The following G3BP1 variants were observed in gnomAD, a reference collection of about 807,000 sequenced individuals.
The protein encoded by G3BP1 is G3BP stress granule assembly factor 1.
Under a neutral mutation model 58.6 loss-of-function variants are expected in G3BP1, and 35 were observed. The ratio of observed to expected loss-of-function variants is 0.60; its 90% CI spans 0.46 to 0.79. The LOEUF (loss-of-function observed/expected upper bound fraction) is 0.79, where lower values mean the gene tolerates loss of function less well. Among genes scored for constraint, G3BP1 ranks in the 30% least tolerant of loss-of-function variants. The pLI, the probability that G3BP1 is intolerant of heterozygous loss-of-function variation, is 0.00. For missense variants in G3BP1, 523 were observed against 580.8 expected (o/e 0.90, Z 1.02); for synonymous variants, 191 against 195.4 (o/e 0.98, Z 0.19).
chr5:151,790,662 T>A (rs1462378750), intron 3 of G3BP1, among the ~76,000 whole-genome samples: 2 of 152,216 alleles, frequency 1.3e-5, no homozygotes, highest in Admixed American at 1.3e-4. Flanking sequence ...GGATCATCTT[T>A]TCTAAACTTT....
chr5:151,795,272 C>T (rs1009410177), intron 5 of G3BP1, among the ~76,000 whole-genome samples: 1 of 152,028 alleles, frequency 6.6e-6, no homozygotes, highest in African/African-American at 2.4e-5. Context: ...AGCGAGACTC[C>T]GTCTCAAAAA....
At chr5:151,781,407 CTG>C (rs1232923038) in intron 1 of G3BP1, among the ~76,000 whole-genome samples, 1 of 152,206 alleles carries the variant, frequency 6.6e-6, no homozygotes, top group Non-Finnish European at 1.5e-5. Context: ...GCTTACAACA[CTG>C]TGTGATGCTA....
intron 1 of G3BP1, among the ~76,000 whole-genome samples, chr5:151,780,524 G>A (rs916679112): frequency 6.6e-6 from 1 of 151,994 alleles, no homozygotes; most frequent in Non-Finnish European, 1.5e-5. Flanking sequence ...CCCCTCCGCC[G>A]CTAGCTGATG....
chr5:151,783,650 C>T (rs1289860272), intron 1 of G3BP1, among the ~76,000 whole-genome samples: 2 of 151,972 alleles, frequency 1.3e-5, no homozygotes, highest in Non-Finnish European at 2.9e-5. Context: ...GTTGGCCTCC[C>T]AAAGTGCTGG....
intron 1 of G3BP1, among the ~76,000 whole-genome samples, chr5:151,781,314 T>C (rs977150723): frequency 3.9e-5 from 6 of 152,344 alleles, no homozygotes; most frequent in African/African-American, 1.4e-4. Flanking sequence ...CTGCATAAAA[T>C]GAACTTTAGT....
intron 1 of G3BP1, among the ~76,000 whole-genome samples, chr5:151,773,901 A>G (rs1762320339): frequency 6.6e-6 from 1 of 152,266 alleles, no homozygotes; most frequent in African/African-American, 2.4e-5. Context: ...GAGGCAAAAT[A>G]GAATGAAATT....
rs1157976401 is a variant in G3BP1, at chr5:151,811,399, T to C, written c.*7308T>C. 2 of 152,182 alleles carry C rather than the reference T, an allele frequency of 1.3e-5. No homozygotes were observed. The highest frequency in any genetic ancestry group is 2.1e-4 in the South Asian group (1 of 4,836). The allele number at this position is 152,182 out of a possible 1,614,324, so 9.4% of individuals were successfully genotyped here. A position where few individuals can be genotyped will look rare whatever the true frequency, so the allele number is the denominator to read the frequency against. The stretch of plus-strand genomic sequence containing the variant: ...ACATAAAGCCTTGTCTAAAGTGAGA[T>C]GTTTTCCAGGTCATACATAGGTTTC... On this transcript the variant is annotated 3_prime_UTR_variant, in exon 12 of 12. Coordinates refer to ENST00000356245, the MANE Select transcript of G3BP1 (RefSeq NM_005754.3).
intron 4 of G3BP1, among the ~76,000 whole-genome samples, chr5:151,792,768 T>C (rs890258205): frequency 3.9e-5 from 6 of 152,136 alleles, no homozygotes; most frequent in African/African-American, 1.4e-4. Context: ...CATTCCTGGC[T>C]GATTTTTGTT....
intron 2 of G3BP1, among the ~76,000 whole-genome samples, chr5:151,789,030 C>T (rs1762602067): frequency 6.6e-6 from 1 of 152,182 alleles, no homozygotes; most frequent in Admixed American, 6.5e-5. Context: ...CCACCTTGGC[C>T]TCCCAAAGTG....
intron 1 of G3BP1, among the ~76,000 whole-genome samples, chr5:151,780,133 T>C (rs976730041): frequency 6.6e-6 from 1 of 152,228 alleles, no homozygotes; most frequent in Admixed American, 6.5e-5. Flanking sequence ...TTTAATACTT[T>C]GGCGCATCTC....
In G3BP1 at chr5:151,807,874, A is replaced by G. The variant is rs534955557; in HGVS notation, c.*3783A>G. ...TTCTTTTAAATGGTTGCATTTGTCA[A>G]ATCTATAAAGATGTTTTTTATATTG... On this transcript the variant is annotated 3_prime_UTR_variant, in exon 12 of 12. Transcript: ENST00000356245. The G allele has an allele frequency of 8.5e-5, 13 of 152,222 alleles. No individual in the cohort carries two copies. Among genetic ancestry groups the G allele is most frequent in the African/African-American group, 1.7e-4 (7 of 41,458 alleles). The allele number at this position is 152,222 out of a possible 1,614,324, so 9.4% of individuals were successfully genotyped here. A position where few individuals can be genotyped will look rare whatever the true frequency, so the allele number is the denominator to read the frequency against.
chr5:151,792,121 G>T (rs1337369939), intron 4 of G3BP1: 1 of 456,148 alleles, frequency 2.2e-6, no homozygotes, highest in Non-Finnish European at 4.4e-6. Context: ...GTTCTTTTTA[G>T]TTATACTTAT....
chr5:151,779,925 G>A (rs1762437624), intron 1 of G3BP1, among the ~76,000 whole-genome samples: 1 of 152,168 alleles, frequency 6.6e-6, no homozygotes, highest in African/African-American at 2.4e-5. Flanking sequence ...TCTTGTGTGA[G>A]TTTGTTTTGT....
At position 151,807,213 on chromosome 5, in the gene G3BP1, G is replaced by C. The variant is rs1032715470; in HGVS notation, c.*3122G>C. Reference sequence around the variant, plus strand: ...TAGAAAAGTTAATTTTCACATCTGTGCTGCGGGTTAGGTGATATTGTCCTC... The same window carrying C: ...TAGAAAAGTTAATTTTCACATCTGTCCTGCGGGTTAGGTGATATTGTCCTC... On this transcript the variant is annotated 3_prime_UTR_variant, in exon 12 of 12. Transcript: ENST00000356245. The C allele has an allele frequency of 5.3e-5, 8 of 152,158 alleles. No homozygotes were observed. Among genetic ancestry groups the C allele is most frequent in the African/African-American group, 1.9e-4 (8 of 41,426 alleles). The allele number at this position is 152,158 out of a possible 1,614,324, so 9.4% of individuals were successfully genotyped here.
chr5:151,772,849 A>G (rs565755537), intron 1 of G3BP1, among the ~76,000 whole-genome samples: 1 of 152,336 alleles, frequency 6.6e-6, no homozygotes, highest in East Asian at 1.9e-4. Context: ...GGGCAGCATC[A>G]GCCTCAAAAG....
intron 1 of G3BP1, among the ~76,000 whole-genome samples, chr5:151,775,401 T>C (rs373726278): frequency 6.6e-6 from 1 of 152,380 alleles, no homozygotes; most frequent in Non-Finnish European, 1.5e-5. Flanking sequence ...ATTACCATAC[T>C]TTTACTAAAA....
chr5:151,787,897 G>A (rs890890299), intron 2 of G3BP1: 5 of 167,534 alleles, frequency 3.0e-5, no homozygotes, highest in African/African-American at 7.9e-5. Context: ...AATATATCTC[G>A]TGTGTGTGTG....
intron 1 of G3BP1, among the ~76,000 whole-genome samples, chr5:151,783,795 C>G (rs920786003): frequency 5.3e-5 from 8 of 152,108 alleles, no homozygotes; most frequent in Non-Finnish European, 1.0e-4. Flanking sequence ...TGGAGTCACG[C>G]TCTGTCGCCC....
In G3BP1 at chr5:151,800,784, G is replaced by A. The variant is rs765135383; in HGVS notation, c.1109G>A (p.Arg370His). 6 of 1,610,548 alleles carry A rather than the reference G, an allele frequency of 3.7e-6. No homozygotes were observed. The highest frequency in any genetic ancestry group is 2.2e-5 in the East Asian group (1 of 44,838). ...GGTTATGGAAACGTGGTGGAGTTGCGCATTAACAGTGGTGGGAAATTACCC... is the reference window on the plus strand; with the variant it reads ...GGTTATGGAAACGTGGTGGAGTTGCACATTAACAGTGGTGGGAAATTACCC... ...FQSYGNVVELRINSGGKLPNF... is the reference protein window; with the variant it reads ...FQSYGNVVELHINSGGKLPNF... The change falls in exon 11 of 12, where the codon CGC (arginine) becomes CAC (histidine). Residue 370 changes from arginine (R) to histidine (H), a missense_variant. Arg to His is a conservative substitution (Grantham distance 29). This residue lies in a region of G3BP1 where 125 missense variants were observed against 181.7 expected (regional missense o/e 0.69). Coordinates refer to ENST00000356245, the MANE Select transcript of G3BP1 (RefSeq NM_005754.3).
Sources: gnomAD v4.1 joint callset for allele counts (sites outside exome capture counted in the v4.1 genomes callset) on GRCh38, gnomAD v4.1.1 for gene constraint, gnomAD v4.1.1 regional missense constraint, MANE v1.5 for transcripts, NCBI Gene and HGNC (gene_info 2026-07-23, HGNC 2026-07-21) for gene names.